The following FAM135B variants were observed in gnomAD, a reference collection of about 807,000 sequenced individuals.
The protein encoded by FAM135B is family with sequence similarity 135 member B, also known as protein FAM135B.
In FAM135B, 43 loss-of-function variants were observed where a neutral mutation model predicts 127.7. The observed-to-expected ratio is 0.34, with a 90% confidence interval of 0.26 to 0.43. FAM135B has a LOEUF of 0.43. Among genes scored for constraint, FAM135B ranks in the 20% least tolerant of loss-of-function variants. The pLI is 1.00. For synonymous variants in FAM135B, 670 were observed against 665.1 expected, an observed-to-expected ratio of 1.01 and a Z score of -0.11; for missense variants, 1,558 against 1,725.6, an observed-to-expected ratio of 0.90 and a Z score of 1.72.
intron 1 of FAM135B, among the ~76,000 whole-genome samples, chr8:138,421,996 A>G (rs2131458742): frequency 6.6e-6 from 1 of 152,042 alleles, no homozygotes; most frequent in South Asian, 2.1e-4. Flanking sequence ...ACAACTACAA[A>G]GTCAACAATA....
intron 16 of FAM135B, among the ~76,000 whole-genome samples, chr8:138,142,369 T>C (rs1055335014): frequency 8.5e-5 from 12 of 140,796 alleles, no homozygotes; most frequent in African/African-American, 2.9e-4. Flanking sequence ...GGCGCAATAA[T>C]CTCGGCTCAC....
intron 1 of FAM135B, among the ~76,000 whole-genome samples, chr8:138,433,804 G>A (rs1028502554): frequency 9.2e-5 from 14 of 152,118 alleles, no homozygotes; most frequent in Admixed American, 2.6e-4. Flanking sequence ...TGCTGGAGAG[G>A]GAGAGAAATC....
rs1369512317 is a variant in FAM135B at position 138,157,128 on chromosome 8, A to G, written c.1259-3912T>C. ...CAAGTTGGCTTCATCCCTGGGATGC[A>G]AGGCTGGTTCAACATATGCAAATCA... On this transcript the variant is annotated intron_variant, in intron 12 of 19. Coordinates refer to ENST00000395297, the MANE Select transcript of FAM135B (RefSeq NM_015912.4). 2.6e-5 allele frequency among the ~76,000 whole-genome samples: 4 copies of G among 152,226 alleles called. No individual in the cohort carries two copies. In the East Asian group the frequency reaches 7.7e-4, roughly 29 times the overall value.
At position 138,138,988 on chromosome 8, in the gene FAM135B, GT is replaced by G; in HGVS notation, c.3898del (p.Thr1300GlnfsTer46). 2 of 1,605,308 alleles carry G rather than the reference GT, an allele frequency of 1.2e-6. No individual in the cohort carries two copies. Among genetic ancestry groups the G allele is most frequent in the Non-Finnish European group, 1.7e-6 (2 of 1,172,038 alleles). ...KCFLYQLSQK[T>X]GLQYFKNVVL... Reference sequence around the variant, plus strand: ...CAGCTGTGGGGGAAACCACTGACCTGTTTTTTGGCTTAGTTGGTAGAGGAAA... The same window carrying G: ...CAGCTGTGGGGGAAACCACTGACCTGTTTTTGGCTTAGTTGGTAGAGGAAA... On this transcript the variant is annotated frameshift_variant, in exon 18 of 20. Transcript: ENST00000395297. LOFTEE classifies it high-confidence loss of function.
At chr8:138,477,209 A>G (rs1814521515) in intron 1 of FAM135B, 1 of 152,204 alleles carries the variant, frequency 6.6e-6, no homozygotes, top group African/African-American at 2.4e-5. Context: ...AGTTGAGACT[A>G]AGAAGAACCC....
intron 7 of FAM135B, among the ~76,000 whole-genome samples, chr8:138,218,785 A>C (rs1818780102): frequency 8.0e-6 from 1 of 124,838 alleles, no homozygotes; most frequent in African/African-American, 2.9e-5. Flanking sequence ...AGAGAGAGAG[A>C]GAGAGAGAGA....
chr8:138,418,491 T>G (rs1480958252), intron 1 of FAM135B, among the ~76,000 whole-genome samples: 1 of 151,066 alleles, frequency 6.6e-6, no homozygotes, highest in African/African-American at 2.4e-5. Flanking sequence ...TATAGACACA[T>G]AGTCATCAGA....
chr8:138,154,921 T>C lies in FAM135B; in HGVS notation c.1259-1705A>G, dbSNP rs183787392. On this transcript the variant is annotated intron_variant, in intron 12 of 19. Transcript: ENST00000395297. The stretch of plus-strand genomic sequence containing the variant: ...CCCAACCTAACAAGGCAGGCCAACA[T>C]TCAAATTCAGGAAATACAGAGAACT... Among the ~76,000 whole-genome samples the C allele has an allele frequency of 4.3e-3, 654 of 152,252 alleles. 5 individuals carry two copies. The highest frequency in any genetic ancestry group is 0.015 in the African/African-American group (624 of 41,542).
chr8:138,200,030 C>T (rs1238665044), intron 7 of FAM135B, among the ~76,000 whole-genome samples: 1 of 152,166 alleles, frequency 6.6e-6, no homozygotes, highest in Non-Finnish European at 1.5e-5. Context: ...TTGCTGTGGA[C>T]CACCAACATT....
At chr8:138,174,598 T>A (rs1237448692) in intron 11 of FAM135B, among the ~76,000 whole-genome samples, 1 of 152,230 alleles carries the variant, frequency 6.6e-6, no homozygotes, top group African/African-American at 2.4e-5. Flanking sequence ...GTATCTCGCT[T>A]ATCTTAGTCT....
At chr8:138,363,273 A>G (rs1830544225) in intron 2 of FAM135B, among the ~76,000 whole-genome samples, 1 of 152,224 alleles carries the variant, frequency 6.6e-6, no homozygotes, top group South Asian at 2.1e-4. Context: ...TGCTAGATAC[A>G]AAGTACCCTA....
chr8:138,362,556 C>A lies in FAM135B; in HGVS notation c.77+5351G>T, dbSNP rs139738744. Reference sequence around the variant, plus strand: ...TACTGCTTGAAGTCAGATGTTCTGACCTTCTCATTTGTCAGCTGTGTGTAC... The same window carrying A: ...TACTGCTTGAAGTCAGATGTTCTGAACTTCTCATTTGTCAGCTGTGTGTAC... On this transcript the variant is annotated intron_variant, in intron 2 of 19. Coordinates refer to ENST00000395297, the MANE Select transcript of FAM135B (RefSeq NM_015912.4). Among the ~76,000 whole-genome samples the A allele has an allele frequency of 3.9e-3, 587 of 152,214 alleles. 3 individuals are homozygous for A. Among genetic ancestry groups the A allele is most frequent in the Non-Finnish European group, 6.2e-3 (421 of 68,014 alleles).
chr8:138,152,377 C>G lies in FAM135B; in HGVS notation c.2098G>C (p.Ala700Pro), dbSNP rs1201599758. ...SEPSSVAWSEARSRALELPSD... is the reference protein window; with the variant it reads ...SEPSSVAWSEPRSRALELPSD... The stretch of plus-strand genomic sequence containing the variant: ...GGCAACTCCAGAGCCCTGCTTCGGG[C>G]CTCTGACCAGGCGACGGAGCTTGGC... The change falls in exon 13 of 20, where the codon GCC becomes CCC. Residue 700 changes from alanine to proline, a missense_variant. Ala to Pro is a conservative substitution (Grantham distance 27). Transcript: ENST00000395297. The G allele has an allele frequency of 2.5e-6, 4 of 1,614,162 alleles. No individual in the cohort carries two copies. The South Asian group carries it at 4.4e-5, about 18-fold the overall frequency.
intron 7 of FAM135B, among the ~76,000 whole-genome samples, chr8:138,202,831 C>T (rs1417297806): frequency 2.0e-5 from 3 of 152,102 alleles, no homozygotes; most frequent in Non-Finnish European, 4.4e-5. Context: ...CAACAGTGAT[C>T]CACTCAGAAG....
chr8:138,193,282 G>A (rs532719853), intron 9 of FAM135B, among the ~76,000 whole-genome samples: 2 of 152,320 alleles, frequency 1.3e-5, no homozygotes, highest in South Asian at 4.1e-4. Context: ...ATACTGACAA[G>A]CACTTAGAAC....
chr8:138,264,625 C>T (rs918111103), intron 4 of FAM135B, among the ~76,000 whole-genome samples: 1 of 152,150 alleles, frequency 6.6e-6, no homozygotes, highest in African/African-American at 2.4e-5. Context: ...ATGTCATGTT[C>T]ACTATTTTTA....
chr8:138,497,278 C>T (rs1815436034), upstream of FAM135B, among the ~76,000 whole-genome samples: 1 of 150,270 alleles, frequency 6.7e-6, no homozygotes, highest in South Asian at 2.1e-4. Context: ...CGGCGCGGCT[C>T]ACGCGCTCCC....
At chr8:138,433,141 T>C (rs1163508511) in intron 1 of FAM135B, among the ~76,000 whole-genome samples, 2 of 152,178 alleles carry the variant, frequency 1.3e-5, no homozygotes, top group African/African-American at 2.4e-5. Flanking sequence ...GAAGAGTCAC[T>C]GAAAAGAAAA....
rs1436963745 is a variant in FAM135B at position 138,353,431 on chromosome 8, C to T, written c.77+14476G>A. The stretch of plus-strand genomic sequence containing the variant: ...GCAACATTTAGCCTTGGGATGCTCC[C>T]ACCTTCTGGCTCTCACATTTCTTTG... On this transcript the variant is annotated intron_variant, in intron 2 of 19. Coordinates refer to ENST00000395297, the MANE Select transcript of FAM135B (RefSeq NM_015912.4). 2.6e-5 allele frequency among the ~76,000 whole-genome samples: 4 copies of T among 152,160 alleles called. No individual in the cohort carries two copies. The East Asian group carries it at 7.7e-4, about 29-fold the overall frequency.
Sources: gnomAD v4.1 joint callset for allele counts (sites outside exome capture counted in the v4.1 genomes callset) on GRCh38, gnomAD v4.1.1 for gene constraint, MANE v1.5 for transcripts, NCBI Gene and HGNC (gene_info 2026-07-23, HGNC 2026-07-21) for gene names.